The following SLC28A2 variants were observed in gnomAD, a reference collection of about 807,000 sequenced individuals.
The protein encoded by SLC28A2 is solute carrier family 28 member 2.
Under a neutral mutation model 72.9 loss-of-function variants are expected in SLC28A2, and 69 were observed. That is an observed-to-expected ratio of 0.95 (90% CI 0.78 to 1.16). The LOEUF (loss-of-function observed/expected upper bound fraction) is 1.16. Ranked by LOEUF, SLC28A2 falls within the 50% of genes most tolerant of loss-of-function variation. The probability of loss-of-function intolerance (pLI) is 0.00; values close to 1 mark genes in which losing one functional copy is unlikely to be tolerated. For missense variants in SLC28A2, 745 were observed against 791.1 expected, an observed-to-expected ratio of 0.94 and a Z score of 0.70; for synonymous variants, 296 against 294.1, an observed-to-expected ratio of 1.01 and a Z score of -0.07.
At position 45,265,581 on chromosome 15, in the gene SLC28A2, A is replaced by G. The variant is rs1335133328; in HGVS notation, c.781-2A>G. 6.2e-7 allele frequency: 1 copy of G among 1,609,042 alleles called. No individual in the cohort carries two copies. ...CACCACCTGCTACCATTCTCATTAC[A>G]GGCCTTACCAATCATCATTTTCTTT... is the stretch of plus-strand genomic sequence containing the variant. On this transcript the variant is annotated splice_acceptor_variant, in intron 8 of 17. Transcript: ENST00000347644. LOFTEE classifies it high-confidence loss of function.
At chr15:45,260,316 GTTTACATGAGTTAAAT>G (rs1312925590) in intron 3 of SLC28A2, among the ~76,000 whole-genome samples, 5 of 152,230 alleles carry the variant, frequency 3.3e-5, no homozygotes, top group African/African-American at 1.2e-4. Context: ...CATTGATGTA[GTTTACATGAGTTAAAT>G]TCCCAGGGCA....
In SLC28A2 at chr15:45,264,585, A is replaced by C. The variant is rs986350467; in HGVS notation, c.589-70A>C. ...TCTAGGTTGGTTCCACCCAGAGTAC[A>C]TGTTTAAAACTCCAACCAGGTAATG... is the stretch of plus-strand genomic sequence containing the variant. On this transcript the variant is annotated intron_variant, in intron 6 of 17. Transcript: ENST00000347644. 28 of 1,031,972 alleles carry C rather than the reference A, an allele frequency of 2.7e-5. No homozygotes were observed. In the African/African-American group the frequency reaches 4.1e-4, roughly 15 times the overall value. The allele number at this position is 1,031,972 out of a possible 1,614,324, so 63.9% of individuals were successfully genotyped here. A position where few individuals can be genotyped will look rare whatever the true frequency, so the allele number is the denominator to read the frequency against.
In SLC28A2 at chr15:45,253,500, G is replaced by A; in HGVS notation, c.150G>A (p.Leu50=). The A allele has an allele frequency of 6.2e-7, 1 of 1,612,700 alleles. No homozygotes were observed. Among genetic ancestry groups the A allele is most frequent in the Non-Finnish European group, 8.5e-7 (1 of 1,179,022 alleles). ...DAQGHSLGDG[L]GPSTYQRRSR... is the part of the protein sequence containing the mutation. ...AAGGACACAGCCTGGGGGATGGACT[G>A]GGCCCTTCCACTTACCAGAGGTACT... The change falls in exon 3 of 18, where the codon CTG becomes CTA. Residue 50 remains leucine, a synonymous_variant. Coordinates refer to ENST00000347644, the MANE Select transcript of SLC28A2 (RefSeq NM_004212.4).
chr15:45,276,488 A>C lies in SLC28A2; in HGVS notation c.*975A>C, dbSNP rs1347503492. 2 of 150,606 alleles carry C rather than the reference A, an allele frequency of 1.3e-5. No individual in the cohort carries two copies. The highest frequency in any genetic ancestry group is 3.0e-5 in the Non-Finnish European group (2 of 67,508). 9.3% of individuals were successfully genotyped at this position (150,606 alleles called of 1,614,324 possible). On this transcript the variant is annotated 3_prime_UTR_variant, in exon 18 of 18. Transcript: ENST00000347644. ...TAAAACTTAAAGTATAATAATAATA[A>C]TAAAAGAAAAAACTTCATAAAATAA...
At chr15:45,263,768 T>C (rs1427475877) in intron 5 of SLC28A2, 113 bp from the exon 6 acceptor site, 2 of 967,938 alleles carry the variant, frequency 2.1e-6, no homozygotes, top group Non-Finnish European at 3.0e-6. Flanking sequence ...CAATGGCACA[T>C]GCATGGCCTT....
chr15:45,272,543 C>T (rs1202804391), intron 16 of SLC28A2, 130 bp from the exon 17 acceptor site: 2 of 809,690 alleles, frequency 2.5e-6, no homozygotes, highest in African/African-American at 3.4e-5. Context: ...TATTGATTTA[C>T]CCATGCATTC....
chr15:45,253,868 T>C (rs1348520118), intron 3 of SLC28A2: 1 of 159,960 alleles, frequency 6.3e-6, no homozygotes, highest in Non-Finnish European at 1.4e-5. Flanking sequence ...TAATTTACCA[T>C]ATCATTAAAA....
chr15:45,270,602 A>AT (rs1900520439), intron 15 of SLC28A2, among the ~76,000 whole-genome samples: 1 of 151,956 alleles, frequency 6.6e-6, no homozygotes, highest in Admixed American at 6.6e-5. Flanking sequence ...AATAGTGCAT[A>AT]TATAAATAAA....
intron 17 of SLC28A2, among the ~76,000 whole-genome samples, chr15:45,274,767 C>A (rs1012036036): frequency 1.8e-4 from 26 of 147,408 alleles, no homozygotes; most frequent in Non-Finnish European, 2.7e-4. Flanking sequence ...TTTTTTGAGA[C>A]ACAGGCTCAC....
At position 45,272,360 on chromosome 15, in the gene SLC28A2, G is replaced by A. The variant is rs1595683112; in HGVS notation, c.1714G>A (p.Ala572Thr). 1 of 1,613,916 alleles carries A rather than the reference G, an allele frequency of 6.2e-7. No individual in the cohort carries two copies. Among genetic ancestry groups the A allele is most frequent in the South Asian group, 1.1e-5 (1 of 91,080 alleles). Residue 572 changes from alanine (A) to threonine (T), a missense_variant, in exon 16 of 18, where the codon GCC becomes ACC. Ala to Thr is a moderately conservative substitution (Grantham distance 58, BLOSUM62 0). Transcript: ENST00000347644. ...KVVVRALFTG[A>T]CVSLISACMA... is the part of the protein sequence containing the mutation. ...TGTGGTCAGGGCCCTCTTCACAGGG[G>A]CCTGTGTATCCCTTATCAGTGCCTG...
At chr15:45,265,726 A>G (rs1422735975) in intron 9 of SLC28A2, 63 bp downstream of exon 9, 2 of 1,099,484 alleles carry the variant, frequency 1.8e-6, no homozygotes, top group Non-Finnish European at 2.8e-6. Flanking sequence ...TCAGCTTTGG[A>G]AAAATGCCCA....
At chr15:45,273,984 T>A (rs1166185502) in intron 17 of SLC28A2, among the ~76,000 whole-genome samples, 1 of 152,036 alleles carries the variant, frequency 6.6e-6, no homozygotes, top group Non-Finnish European at 1.5e-5. Flanking sequence ...TGAGATGGGG[T>A]CTCACTATGT....
At chr15:45,272,274 A>C (rs372733727) in intron 15 of SLC28A2, 21 bp from the exon 16 acceptor site, 3 of 1,604,262 alleles carry the variant, frequency 1.9e-6, no homozygotes, top group Non-Finnish European at 2.6e-6. Flanking sequence ...AGCTGAAGTT[A>C]TTTTATTTTA....
At chr15:45,265,758 GA>G in intron 9 of SLC28A2, 95 bp downstream of exon 9, 1 of 862,630 alleles carries the variant, frequency 1.2e-6, no homozygotes, top group African/African-American at 1.6e-5. Flanking sequence ...TAGAGTGTTA[GA>G]AACAATGGGA....
intron 3 of SLC28A2, among the ~76,000 whole-genome samples, chr15:45,259,687 G>T (rs1286813553): frequency 2.6e-5 from 4 of 152,292 alleles, no homozygotes; most frequent in Admixed American, 2.6e-4. Context: ...AGCAATAATA[G>T]TATGTGCTAG....
intron 17 of SLC28A2, among the ~76,000 whole-genome samples, 186 bp downstream of exon 17, chr15:45,272,970 G>A (rs1384533488): frequency 6.6e-6 from 1 of 152,184 alleles, no homozygotes; most frequent in Non-Finnish European, 1.5e-5. Context: ...GGGTCTACCT[G>A]TGTTAGTGGG....
In SLC28A2 at chr15:45,275,770, C is replaced by A. The variant is rs1900737329; in HGVS notation, c.*257C>A. 4.0e-6 allele frequency: 1 copy of A among 249,840 alleles called. No individual in the cohort carries two copies. The highest frequency in any genetic ancestry group is 7.7e-6 in the Non-Finnish European group (1 of 129,648). 15.5% of individuals were successfully genotyped at this position (249,840 alleles called of 1,614,324 possible). ...CTAACACAGTGAAACCCCGTCTCTA[C>A]TAAAAATACAAAAAATTAGCCGGGA... On this transcript the variant is annotated 3_prime_UTR_variant, in exon 18 of 18. Coordinates refer to ENST00000347644, the MANE Select transcript of SLC28A2 (RefSeq NM_004212.4).
chr15:45,275,330 A>C (rs956604984), intron 17 of SLC28A2, 66 bp from the exon 18 acceptor site: 3 of 916,910 alleles, frequency 3.3e-6, no homozygotes, highest in Non-Finnish European at 5.3e-6. Context: ...AGTATAACTT[A>C]TTGATATGTT....
At position 45,266,095 on chromosome 15, in the gene SLC28A2, A is replaced by G; in HGVS notation, c.876A>G (p.Leu292=). Reference sequence around the variant, plus strand: ...TATTCTTCTAGGTCGCCTGGTTTTTACAAATCACTATGGGCACCACTGCTA... The same window carrying G: ...TATTCTTCTAGGTCGCCTGGTTTTTGCAAATCACTATGGGCACCACTGCTA... The part of the protein sequence containing the change: ...QWVVQKVAWF[L]QITMGTTATE... The change falls in exon 10 of 18, where the codon TTA becomes TTG. Residue 292 remains leucine, a synonymous_variant. Transcript: ENST00000347644. 6.2e-7 allele frequency: 1 copy of G among 1,613,254 alleles called. No individual in the cohort carries two copies. Among genetic ancestry groups the G allele is most frequent in the Non-Finnish European group, 8.5e-7 (1 of 1,179,194 alleles).
Sources: gnomAD v4.1 joint callset for allele counts (sites outside exome capture counted in the v4.1 genomes callset) on GRCh38, gnomAD v4.1.1 for gene constraint, MANE v1.5 for transcripts, NCBI Gene and HGNC (gene_info 2026-07-23, HGNC 2026-07-21) for gene names.